Variants in RAB31 observed in about 807,000 individuals in gnomAD.
RAB31 encodes RAB31, member RAS oncogene family, also known as ras-related protein Rab-31.
A neutral mutation model predicts 25.6 loss-of-function variants in RAB31; 21 were observed. The observed-to-expected ratio is 0.82, with a 90% CI of 0.58 to 1.18. The LOEUF is 1.18. Among genes scored for constraint, RAB31 ranks in the 50% most tolerant of loss-of-function variants. The pLI, the probability that RAB31 is intolerant of heterozygous loss-of-function variation, is 0.00. For synonymous variants in RAB31, 87 were observed against 84.0 expected (o/e 1.04, Z -0.20); for missense variants, 196 against 250.1 (o/e 0.78, Z 1.46).
intron 1 of RAB31, among the ~76,000 whole-genome samples, chr18:9,736,732 G>A (rs2068152957): frequency 6.6e-6 from 1 of 150,940 alleles, no homozygotes; most frequent in Admixed American, 6.6e-5. Flanking sequence ...AGTGGGTTAT[G>A]CCTACAGTTT....
At chr18:9,824,777 G>T (rs1286575945) in intron 5 of RAB31, among the ~76,000 whole-genome samples, 2 of 152,184 alleles carry the variant, frequency 1.3e-5, no homozygotes, top group Admixed American at 1.3e-4. Context: ...TTTTTTCTAG[G>T]TTCCTGATCT....
intron 1 of RAB31, among the ~76,000 whole-genome samples, chr18:9,768,179 C>A (rs11081503): frequency 5.3e-5 from 8 of 152,168 alleles, no homozygotes; most frequent in Non-Finnish European, 1.0e-4. Context: ...GTGCATGTGT[C>A]TTTATAGTAG....
chr18:9,719,334 A>T (rs56395148), intron 1 of RAB31, among the ~76,000 whole-genome samples: 27,838 of 53,214 alleles, frequency 0.52, 8,073 homozygotes, highest in Non-Finnish European at 0.6. Flanking sequence ...TATATAAATA[A>T]ATAAATTTGA....
chr18:9,763,072 C>T (rs1274844063), intron 1 of RAB31, among the ~76,000 whole-genome samples: 1 of 152,112 alleles, frequency 6.6e-6, no homozygotes, highest in Non-Finnish European at 1.5e-5. Flanking sequence ...TTAAATATTA[C>T]AAATATTTTC....
Position 9,775,261 on chromosome 18 carries a change from T to A in RAB31, c.40-17T>A. On this transcript the variant is annotated splice_polypyrimidine_tract_variant and intron_variant, in intron 1 of 6. Coordinates refer to ENST00000578921, the MANE Select transcript of RAB31 (RefSeq NM_006868.4). Reference sequence around the variant, plus strand: ...GCCGCCCTTCATCTTCACGGTTGTATCCTCATTCTTTCCTAGGACACTGGG... The same window carrying A: ...GCCGCCCTTCATCTTCACGGTTGTAACCTCATTCTTTCCTAGGACACTGGG... 1 of 1,613,786 alleles carries A rather than the reference T, an allele frequency of 6.2e-7. No homozygotes were observed. The highest frequency in any genetic ancestry group is 2.2e-5 in the East Asian group (1 of 44,866).
chr18:9,775,935 C>T (rs12962219), intron 2 of RAB31, among the ~76,000 whole-genome samples: 82,861 of 151,884 alleles, frequency 0.55, 22,874 homozygotes, highest in African/African-American at 0.63. Flanking sequence ...ATTACAGGTG[C>T]GCACCACCAT....
At chr18:9,774,112 T>A (rs2068359852) in intron 1 of RAB31, among the ~76,000 whole-genome samples, 1 of 152,162 alleles carries the variant, frequency 6.6e-6, no homozygotes, top group African/African-American at 2.4e-5. Flanking sequence ...AAAATGTAAG[T>A]TGAAAGCTCT....
intron 3 of RAB31, among the ~76,000 whole-genome samples, chr18:9,806,034 A>G (rs979642856): frequency 1.3e-5 from 2 of 152,106 alleles, no homozygotes; most frequent in African/African-American, 2.4e-5. Context: ...AAAAGTAGCC[A>G]GGTGTGGTGG....
chr18:9,795,051 C>A (rs1374831455), intron 3 of RAB31, among the ~76,000 whole-genome samples: 3 of 152,066 alleles, frequency 2.0e-5, no homozygotes, highest in African/African-American at 7.2e-5. Context: ...GGCATGTAGA[C>A]CAATGGAACA....
rs923302748 is a variant in RAB31 at position 9,766,280 on chromosome 18, C to A, written c.40-8998C>A. On this transcript the variant is annotated intron_variant, in intron 1 of 6. Transcript: ENST00000578921. This position sits in a 1 kb window ranked among gnomAD's most constrained non-coding sequence, Gnocchi z 4.3. ...ACCCTCCTGCTCCAAGATGTGGAGG[C>A]GCCTTCCTGCGTGACCTCATCTCTG... 2.0e-5 allele frequency among the ~76,000 whole-genome samples: 3 copies of A among 152,174 alleles called. No individual in the cohort carries two copies. The highest frequency in any genetic ancestry group is 7.2e-5 in the African/African-American group (3 of 41,448).
intron 6 of RAB31, among the ~76,000 whole-genome samples, chr18:9,857,738 T>G (rs2068826202): frequency 6.6e-6 from 1 of 150,860 alleles, no homozygotes; most frequent in Non-Finnish European, 1.5e-5. Flanking sequence ...ATATAGATAT[T>G]CATTTTAGCC....
At chr18:9,734,294 G>A (rs1202405566) in intron 1 of RAB31, among the ~76,000 whole-genome samples, 3 of 152,152 alleles carry the variant, frequency 2.0e-5, no homozygotes, top group South Asian at 4.1e-4. Flanking sequence ...GCCTGGAGAA[G>A]TTAAATACTT....
intron 1 of RAB31, among the ~76,000 whole-genome samples, chr18:9,748,688 C>T (rs1021565021): frequency 2.6e-5 from 4 of 151,544 alleles, no homozygotes; most frequent in Non-Finnish European, 4.4e-5. Flanking sequence ...CTCAGGAGTT[C>T]GAGACCAGCC....
intron 2 of RAB31, among the ~76,000 whole-genome samples, chr18:9,783,484 A>T (rs2068416082): frequency 6.6e-6 from 1 of 152,228 alleles, no homozygotes; most frequent in Non-Finnish European, 1.5e-5. Flanking sequence ...TTTTAAGGGT[A>T]GTAGGGTTGC....
intron 2 of RAB31, among the ~76,000 whole-genome samples, chr18:9,789,155 C>T (rs1048062720): frequency 2.0e-5 from 3 of 151,948 alleles, no homozygotes; most frequent in African/African-American, 7.3e-5. Flanking sequence ...TACATGTTCT[C>T]ACTCATATGC....
intron 1 of RAB31, among the ~76,000 whole-genome samples, chr18:9,709,204 G>T (rs1178827560): frequency 6.6e-6 from 1 of 152,198 alleles, no homozygotes; most frequent in African/African-American, 2.4e-5. Context: ...CAATCCGTGC[G>T]GCCCGGGGAC....
chr18:9,749,500 G>A (rs1280457661), intron 1 of RAB31, among the ~76,000 whole-genome samples: 1 of 152,178 alleles, frequency 6.6e-6, no homozygotes, highest in South Asian at 2.1e-4. Flanking sequence ...GGGATTTATT[G>A]TAATTTATAG....
intron 2 of RAB31, among the ~76,000 whole-genome samples, chr18:9,791,386 G>GTT (rs1395182786): frequency 3.1e-5 from 4 of 127,728 alleles, no homozygotes; most frequent in African/African-American, 1.2e-4. Context: ...TAGAAACACA[G>GTT]TCTTTTTTTT....
At chr18:9,769,392 C>T (rs2068332551) in intron 1 of RAB31, among the ~76,000 whole-genome samples, 1 of 152,140 alleles carries the variant, frequency 6.6e-6, no homozygotes, top group African/African-American at 2.4e-5. Flanking sequence ...TTGTAGTTCT[C>T]TTTGAAGAGG....
Sources: allele counts gnomAD v4.1 joint callset (sites outside exome capture counted in the v4.1 genomes callset), GRCh38; gene constraint gnomAD v4.1.1; non-coding constraint Gnocchi (gnomAD v3.1); transcripts MANE v1.5; gene names NCBI Gene and HGNC (gene_info 2026-07-23, HGNC 2026-07-21).